CDK6: variants seen among roughly 807,000 people sequenced by gnomAD.
CDK6 encodes cyclin dependent kinase 6.
In CDK6, 6 loss-of-function variants were observed where a neutral mutation model predicts 37.1. The observed-to-expected ratio is 0.16, with a 90% CI of 0.09 to 0.32. The LOEUF is 0.32. CDK6 is among the 10% of genes least tolerant of loss of function. The pLI is 1.00. For missense variants in CDK6, 224 were observed against 418.9 expected (o/e 0.53, Z 4.06); for synonymous variants, 160 against 161.3 (o/e 0.99, Z 0.06).
At chr7:92,728,187 A>G (rs1282502149) in intron 3 of CDK6, among the ~76,000 whole-genome samples, 1 of 152,232 alleles carries the variant, frequency 6.6e-6, no homozygotes, top group Non-Finnish European at 1.5e-5. Flanking sequence ...TGCATGCTTA[A>G]TGCAGAAACT....
intron 2 of CDK6, among the ~76,000 whole-genome samples, chr7:92,807,110 T>C (rs994694698): frequency 6.6e-6 from 1 of 152,296 alleles, no homozygotes; most frequent in African/African-American, 2.4e-5. Context: ...CTTAACCTCA[T>C]TTATTCTTTC....
chr7:92,617,071 A>G (rs982474699), intron 7 of CDK6, among the ~76,000 whole-genome samples: 2 of 152,220 alleles, frequency 1.3e-5, no homozygotes, highest in African/African-American at 4.8e-5. Context: ...AACTTAGTCA[A>G]GAGTTGGATA....
At chr7:92,780,055 T>C (rs1799948528) in intron 2 of CDK6, among the ~76,000 whole-genome samples, 1 of 152,188 alleles carries the variant, frequency 6.6e-6, no homozygotes, top group Non-Finnish European at 1.5e-5. Context: ...CTTGGCTCAC[T>C]GCAACCTCCT....
At chr7:92,735,530 A>G (rs1367194845) in intron 3 of CDK6, among the ~76,000 whole-genome samples, 1 of 152,186 alleles carries the variant, frequency 6.6e-6, no homozygotes, top group African/African-American at 2.4e-5. Context: ...AGAACTGTGG[A>G]GAGAACCTAG....
At chr7:92,754,227 T>C (rs931601419) in intron 3 of CDK6, among the ~76,000 whole-genome samples, 4 of 152,292 alleles carry the variant, frequency 2.6e-5, no homozygotes, top group African/African-American at 9.6e-5. Context: ...TCAGGAAGCA[T>C]CTCAGTAAAA....
intron 2 of CDK6, among the ~76,000 whole-genome samples, chr7:92,785,935 C>G (rs1800120523): frequency 6.6e-6 from 1 of 152,122 alleles, no homozygotes; most frequent in Admixed American, 6.6e-5. Context: ...TATCCCAAAC[C>G]CTCTTACATT....
At chr7:92,644,937 T>G (rs6954434) in intron 5 of CDK6, among the ~76,000 whole-genome samples, 9,010 of 152,212 alleles carry the variant, frequency 0.059, 954 homozygotes, top group African/African-American at 0.21. Flanking sequence ...CAGTGCTGCA[T>G]GTCCAAAGAG....
intron 5 of CDK6, among the ~76,000 whole-genome samples, chr7:92,623,966 T>A (rs1585344259): frequency 6.6e-6 from 1 of 152,184 alleles, no homozygotes; most frequent in Non-Finnish European, 1.5e-5. Context: ...ATAGTTGTAG[T>A]CTATTATCAG....
At chr7:92,790,649 G>GATACACATAAGTGTATACACAT (rs1414805926) in intron 2 of CDK6, among the ~76,000 whole-genome samples, 1 of 152,086 alleles carries the variant, frequency 6.6e-6, no homozygotes, top group Non-Finnish European at 1.5e-5. Context: ...GGTATACACA[G>GATACACATAAGTGTATACACAT]ATACACATAA....
chr7:92,679,274 A>G (rs1267982871), intron 4 of CDK6, among the ~76,000 whole-genome samples: 2 of 152,198 alleles, frequency 1.3e-5, no homozygotes, highest in African/African-American at 4.8e-5. Flanking sequence ...TGGACTGGGT[A>G]ATCTATAAGG....
intron 5 of CDK6, among the ~76,000 whole-genome samples, chr7:92,654,544 G>A (rs1796646630): frequency 6.6e-6 from 1 of 151,990 alleles, no homozygotes; most frequent in South Asian, 2.1e-4. Context: ...TTACTCTTAT[G>A]TCTCTGTCCC....
intron 2 of CDK6, among the ~76,000 whole-genome samples, chr7:92,805,853 T>C (rs1800712114): frequency 6.6e-6 from 1 of 152,210 alleles, no homozygotes; most frequent in African/African-American, 2.4e-5. Context: ...GGTTACTGGC[T>C]ATGGCATAAA....
rs1373311358 is a variant in CDK6 at position 92,792,171 on chromosome 7, G to C, written c.234-17340C>G. Among the ~76,000 whole-genome samples, 6 of 152,156 alleles carry C rather than the reference G, an allele frequency of 3.9e-5. No individual in the cohort carries two copies. In the East Asian group the frequency reaches 5.8e-4, roughly 15 times the overall value. On this transcript the variant is annotated intron_variant, in intron 2 of 7. Transcript: ENST00000424848. The stretch of plus-strand genomic sequence containing the variant: ...TGGTTACAGAAATAGTAGCAGCAGA[G>C]AGAGACCAATACAACTAACAAATAT...
intron 4 of CDK6, among the ~76,000 whole-genome samples, chr7:92,705,557 A>C (rs1797947021): frequency 6.6e-6 from 1 of 152,220 alleles, no homozygotes; most frequent in African/African-American, 2.4e-5. Flanking sequence ...TGGCTTAAGA[A>C]GTGCTGTGGG....
intron 3 of CDK6, among the ~76,000 whole-genome samples, chr7:92,736,407 G>T (rs1798788350): frequency 6.6e-6 from 1 of 152,144 alleles, no homozygotes; most frequent in South Asian, 2.1e-4. Context: ...AGGGAGAAAA[G>T]AATATGTACC....
At chr7:92,787,312 A>T (rs998087603) in intron 2 of CDK6, among the ~76,000 whole-genome samples, 4 of 152,110 alleles carry the variant, frequency 2.6e-5, no homozygotes, top group East Asian at 1.9e-4. Context: ...ATTTTTAATT[A>T]AAAAAATTAT....
At chr7:92,826,305 A>C (rs1248806119) in intron 2 of CDK6, among the ~76,000 whole-genome samples, 1 of 152,174 alleles carries the variant, frequency 6.6e-6, no homozygotes, top group Non-Finnish European at 1.5e-5. Context: ...CAGAAATAAT[A>C]TAAGGGGACA....
chr7:92,731,947 G>A (rs944302977), intron 3 of CDK6, among the ~76,000 whole-genome samples: 1 of 152,186 alleles, frequency 6.6e-6, no homozygotes. Flanking sequence ...TTTCTTCAGA[G>A]CAGGAGATAA....
chr7:92,764,302 C>T (rs1226540598), intron 3 of CDK6, among the ~76,000 whole-genome samples: 3 of 152,080 alleles, frequency 2.0e-5, no homozygotes, highest in African/African-American at 7.2e-5. Context: ...CAACACCTGG[C>T]TAATTTTTGT....
Sources: gnomAD v4.1 joint callset for allele counts (sites outside exome capture counted in the v4.1 genomes callset) on GRCh38, gnomAD v4.1.1 for gene constraint, MANE v1.5 for transcripts, NCBI Gene and HGNC (gene_info 2026-07-23, HGNC 2026-07-21) for gene names.